UBLCP1: variants seen among roughly 807,000 people sequenced by gnomAD.
UBLCP1 encodes the protein ubiquitin like domain containing CTD phosphatase 1.
UBLCP1 carries 28 observed loss-of-function variants against 42.4 expected under a neutral mutation model. The ratio of observed to expected loss-of-function variants is 0.66; its 90% CI spans 0.49 to 0.90. The LOEUF (loss-of-function observed/expected upper bound fraction) is 0.90, where lower values mean the gene tolerates loss of function less well. Among genes scored for constraint, UBLCP1 ranks in the 40% least tolerant of loss-of-function variants. The pLI is 0.00. For synonymous variants in UBLCP1, 122 were observed against 120.8 expected (o/e 1.01, Z -0.07); for missense variants, 279 against 374.5 (o/e 0.75, Z 2.10).
intron 2 of UBLCP1, 82 bp downstream of exon 2, chr5:159,269,151 T>C: frequency 1.9e-6 from 2 of 1,029,154 alleles, no homozygotes; most frequent in Non-Finnish European, 2.6e-6. Context: ...TATAATTGTT[T>C]AATAATTTAT....
In UBLCP1 at chr5:159,270,377, A is replaced by C; in HGVS notation, c.264A>C (p.Pro88=). 2 of 1,613,298 alleles carry C rather than the reference A, an allele frequency of 1.2e-6. No homozygotes were observed. Among genetic ancestry groups the C allele is most frequent in the Non-Finnish European group, 1.7e-6 (2 of 1,179,618 alleles). Residue 88 remains proline (P), a synonymous_variant, in exon 4 of 11, where the codon CCA becomes CCC. Transcript: ENST00000296786. Reference sequence around the variant, plus strand: ...CTTAATAGGAAGATGTCTTAGGTCCACCCCCTGACAATGATGATGTTGTTA... The same window carrying C: ...CTTAATAGGAAGATGTCTTAGGTCCCCCCCCTGACAATGATGATGTTGTTA... ...REESLEDVLG[P]PPDNDDVVND... is the part of the protein sequence containing the mutation.
rs1753670182 is a variant in UBLCP1 at position 159,285,614 on chromosome 5, A to G, written c.*683A>G. The G allele has an allele frequency of 6.6e-6, 1 of 152,302 alleles. No homozygotes were observed. The highest frequency in any genetic ancestry group is 1.9e-4 in the East Asian group (1 of 5,326). The allele number at this position is 152,302 out of a possible 1,614,324, so 9.4% of individuals were successfully genotyped here. A position where few individuals can be genotyped will look rare whatever the true frequency, so the allele number is the denominator to read the frequency against. ...CTTGACACAGCTGTGTCTTAGTATG[A>G]GAAACAGAAGACTGAAGAATAAAAA... On this transcript the variant is annotated 3_prime_UTR_variant, in exon 11 of 11. Coordinates refer to ENST00000296786, the MANE Select transcript of UBLCP1 (RefSeq NM_145049.5).
Position 159,285,354 on chromosome 5 carries a change from C to T in UBLCP1, c.*423C>T, listed in dbSNP as rs1753664387. ...TTGTCTGACTAAATCTAAAACCAAA[C>T]CCATGTTGAAACTAGTACTTTTCCC... On this transcript the variant is annotated 3_prime_UTR_variant, in exon 11 of 11. Coordinates refer to ENST00000296786, the MANE Select transcript of UBLCP1 (RefSeq NM_145049.5). The T allele has an allele frequency of 6.5e-6, 1 of 153,282 alleles. No homozygotes were observed. The highest frequency in any genetic ancestry group is 1.4e-5 in the Non-Finnish European group (1 of 69,212). The allele number at this position is 153,282 out of a possible 1,614,324, so 9.5% of individuals were successfully genotyped here.
Position 159,268,858 on chromosome 5 carries a change from C to A in UBLCP1, c.-46-12C>A, listed in dbSNP as rs928063318. On this transcript the variant is annotated splice_polypyrimidine_tract_variant and intron_variant, in intron 1 of 10. Transcript: ENST00000296786. ...TCTATTTTAACTTGTTCATTTTTGT[C>A]TTCCTTTCCAGGTATTTTTTTTTCT... The A allele has an allele frequency of 6.9e-5, 108 of 1,564,358 alleles. No individual in the cohort carries two copies. Among genetic ancestry groups the A allele is most frequent in the Non-Finnish European group, 8.7e-5 (100 of 1,153,840 alleles).
intron 8 of UBLCP1, among the ~76,000 whole-genome samples, chr5:159,275,519 T>C (rs1753523952): frequency 7.0e-6 from 1 of 143,706 alleles, no homozygotes; most frequent in Non-Finnish European, 1.5e-5. Flanking sequence ...CACGCCATTC[T>C]CCTGCCTCAG....
chr5:159,280,933 A>C (rs2113322229), intron 9 of UBLCP1, among the ~76,000 whole-genome samples: 1 of 152,332 alleles, frequency 6.6e-6, no homozygotes, highest in East Asian at 1.9e-4. Context: ...AGACAGTCTT[A>C]AGTTTCTAAA....
intron 10 of UBLCP1, among the ~76,000 whole-genome samples, 200 bp downstream of exon 10, chr5:159,283,539 A>G (rs765359635): frequency 6.6e-6 from 1 of 152,090 alleles, no homozygotes; most frequent in Non-Finnish European, 1.5e-5. Flanking sequence ...GTTCATAAAC[A>G]TACCTCTTGT....
intron 1 of UBLCP1, among the ~76,000 whole-genome samples, chr5:159,264,939 G>A (rs552349116): frequency 1.3e-5 from 2 of 152,224 alleles, no homozygotes; most frequent in South Asian, 2.1e-4. Flanking sequence ...TCTAGCTCTC[G>A]TAGGATTCCC....
chr5:159,273,429 T>C (rs1456912586), intron 6 of UBLCP1, among the ~76,000 whole-genome samples: 1 of 152,186 alleles, frequency 6.6e-6, no homozygotes, highest in Non-Finnish European at 1.5e-5. Context: ...CTGGCTCTGT[T>C]CTTACTGTGT....
At chr5:159,272,208 C>A in intron 6 of UBLCP1, 87 bp downstream of exon 6, 1 of 1,060,278 alleles carries the variant, frequency 9.4e-7, no homozygotes, top group Non-Finnish European at 1.4e-6. Flanking sequence ...TTAAAATGAC[C>A]TGTGTTTAAA....
At chr5:159,278,651 C>G (rs1384516334) in intron 9 of UBLCP1, among the ~76,000 whole-genome samples, 1 of 152,118 alleles carries the variant, frequency 6.6e-6, no homozygotes, top group African/African-American at 2.4e-5. Flanking sequence ...CGGCTCGCTG[C>G]AATCTCCACC....
rs749968045 is a variant in UBLCP1, at chr5:159,270,694, TTTTTC to T, written c.448+60_448+64del. 4.1e-6 allele frequency: 5 copies of T among 1,232,582 alleles called. No homozygotes were observed. The East Asian group carries it at 1.0e-4, about 25-fold the overall frequency. The allele number at this position is 1,232,582 out of a possible 1,614,324, so 76.4% of individuals were successfully genotyped here. A position where few individuals can be genotyped will look rare whatever the true frequency, so the allele number is the denominator to read the frequency against. The stretch of plus-strand genomic sequence containing the variant: ...TTTTCTGTTACCCACAACAACTCTT[TTTTTC>T]TTTTCTTTGTTTTTTTTTTTTCTTA... On this transcript the variant is annotated intron_variant, in intron 5 of 10. Transcript: ENST00000296786.
At chr5:159,284,490 A>T (rs1324759756) in intron 10 of UBLCP1, among the ~76,000 whole-genome samples, 4 of 152,176 alleles carry the variant, frequency 2.6e-5, no homozygotes, top group Non-Finnish European at 5.9e-5. Flanking sequence ...TAAGATCTTT[A>T]TGGAGTTTGA....
chr5:159,281,643 C>T (rs748568290), intron 9 of UBLCP1, among the ~76,000 whole-genome samples: 5 of 152,134 alleles, frequency 3.3e-5, no homozygotes, highest in Non-Finnish European at 7.4e-5. Context: ...GAGAGTAGAA[C>T]ACCTGGGAAA....
chr5:159,268,334 T>C (rs1753422388), intron 1 of UBLCP1, among the ~76,000 whole-genome samples: 1 of 152,248 alleles, frequency 6.6e-6, no homozygotes, highest in South Asian at 2.1e-4. Context: ...AAATGTTAAT[T>C]AAGTTAATCC....
intron 8 of UBLCP1, among the ~76,000 whole-genome samples, chr5:159,276,831 T>G (rs1297131645): frequency 1.3e-5 from 2 of 152,238 alleles, no homozygotes; most frequent in Non-Finnish European, 2.9e-5. Context: ...TTTATAAAAA[T>G]GCCTGGAGTC....
intron 9 of UBLCP1, 45 bp downstream of exon 9, chr5:159,278,399 G>A: frequency 7.4e-7 from 1 of 1,345,224 alleles, no homozygotes; most frequent in Middle Eastern, 1.8e-4. Context: ...AATCTGGGCT[G>A]TGTGGTAGAA....
At chr5:159,271,953 A>T in intron 5 of UBLCP1, 70 bp from the exon 6 acceptor site, 1 of 1,041,610 alleles carries the variant, frequency 9.6e-7, no homozygotes, top group East Asian at 2.4e-5. Context: ...ATTACATTTA[A>T]TAATAATTGG....
At chr5:159,282,781 G>A (rs964211259) in intron 9 of UBLCP1, among the ~76,000 whole-genome samples, 9 of 151,956 alleles carry the variant, frequency 5.9e-5, no homozygotes, top group Non-Finnish European at 1.3e-4. Context: ...AAATTTAATA[G>A]AAAAATAAAA....
Sources: allele counts gnomAD v4.1 joint callset (sites outside exome capture counted in the v4.1 genomes callset), GRCh38; gene constraint gnomAD v4.1.1; transcripts MANE v1.5; gene names NCBI Gene and HGNC (gene_info 2026-07-23, HGNC 2026-07-21).